Variants in EVA1C observed in about 807,000 individuals in gnomAD.
EVA1C encodes the protein eva-1 homolog C, also known as protein eva-1 homolog C.
EVA1C carries 25 observed loss-of-function variants against 45.4 expected under a neutral mutation model. That is an observed-to-expected ratio of 0.55 (90% CI 0.40 to 0.77). The LOEUF is 0.77. EVA1C is among the 30% of genes least tolerant of loss of function. The pLI is 0.00. For synonymous variants in EVA1C, 190 were observed against 221.2 expected, an observed-to-expected ratio of 0.86 and a Z score of 1.25; for missense variants, 479 against 554.8, an observed-to-expected ratio of 0.86 and a Z score of 1.37.
In EVA1C at chr21:32,512,148, G is replaced by T. The variant is rs954872288; in HGVS notation, c.950-2666G>T. 6.6e-5 allele frequency among the ~76,000 whole-genome samples: 10 copies of T among 152,268 alleles called. No homozygotes were observed. The East Asian group carries it at 1.7e-3, about 26-fold the overall frequency. On this transcript the variant is annotated intron_variant, in intron 7 of 7. Coordinates refer to ENST00000300255, the MANE Select transcript of EVA1C (RefSeq NM_058187.5). ...GAATTCAGGTGGTAGTCACCTTGAGGGGGAGGCAAGGGGATGGGGAAGCAC... is the reference window on the plus strand; with the variant it reads ...GAATTCAGGTGGTAGTCACCTTGAGTGGGAGGCAAGGGGATGGGGAAGCAC...
intron 4 of EVA1C, among the ~76,000 whole-genome samples, chr21:32,494,028 G>T (rs1455720700): frequency 1.3e-5 from 2 of 152,060 alleles, no homozygotes; most frequent in Non-Finnish European, 2.9e-5. Flanking sequence ...TCGAATTCCT[G>T]ACCTCAGGTG....
chr21:32,430,631 C>T (rs1362454330), intron 1 of EVA1C, among the ~76,000 whole-genome samples: 1 of 152,086 alleles, frequency 6.6e-6, no homozygotes, highest in African/African-American at 2.4e-5. Context: ...TCACATCTTA[C>T]ATGGCAGCAG....
intron 4 of EVA1C, among the ~76,000 whole-genome samples, chr21:32,476,730 C>T (rs992096071): frequency 6.6e-6 from 1 of 152,044 alleles, no homozygotes; most frequent in Non-Finnish European, 1.5e-5. Flanking sequence ...CGGTGTGACT[C>T]CATCCTGCCC....
intron 1 of EVA1C, among the ~76,000 whole-genome samples, chr21:32,442,775 T>G (rs1364801308): frequency 6.6e-6 from 1 of 151,690 alleles, no homozygotes; most frequent in Non-Finnish European, 1.5e-5. Flanking sequence ...TTAGGGGACT[T>G]TAGCACACCG....
intron 1 of EVA1C, among the ~76,000 whole-genome samples, chr21:32,444,315 C>A (rs556143573): frequency 2.6e-5 from 4 of 152,322 alleles, no homozygotes; most frequent in African/African-American, 9.6e-5. Flanking sequence ...TGCCCTTCTT[C>A]CCAGCAGTCA....
At chr21:32,506,055 T>C (rs2037712693) in intron 7 of EVA1C, among the ~76,000 whole-genome samples, 1 of 152,010 alleles carries the variant, frequency 6.6e-6, no homozygotes, top group Non-Finnish European at 1.5e-5. Flanking sequence ...TTTTGAGGGA[T>C]GCAACCACCT....
rs148810153 is a variant in EVA1C at position 32,445,206 on chromosome 21, G to A, written c.161-8106G>A. On this transcript the variant is annotated intron_variant, in intron 1 of 7. Coordinates refer to ENST00000300255, the MANE Select transcript of EVA1C (RefSeq NM_058187.5). The stretch of plus-strand genomic sequence containing the variant: ...TTCATGCTGTCACTTGTCCGGCTAA[G>A]GGAATCTGCAATTTTACATAAGATA... Among the ~76,000 whole-genome samples the A allele has an allele frequency of 1.6e-3, 247 of 152,284 alleles. 2 individuals are homozygous for A. The highest frequency in any genetic ancestry group is 5.8e-3 in the African/African-American group (242 of 41,544).
At chr21:32,506,895 T>C (rs766674195) in intron 7 of EVA1C, among the ~76,000 whole-genome samples, 2 of 152,156 alleles carry the variant, frequency 1.3e-5, no homozygotes, top group Non-Finnish European at 2.9e-5. Flanking sequence ...CTGGGGTCTC[T>C]AGGCACCCCC....
At chr21:32,450,269 C>T (rs916589901) in intron 1 of EVA1C, among the ~76,000 whole-genome samples, 1 of 146,972 alleles carries the variant, frequency 6.8e-6, no homozygotes, top group African/African-American at 2.4e-5. Flanking sequence ...CTAAACGCAG[C>T]AAAAGTTTCA....
chr21:32,421,930 A>G (rs986140230), intron 1 of EVA1C, among the ~76,000 whole-genome samples: 29 of 151,858 alleles, frequency 1.9e-4, no homozygotes, highest in African/African-American at 7.0e-4. Context: ...CTGTAATCCC[A>G]GCTAGTTGGA....
chr21:32,458,034 T>G (rs1294819961), intron 3 of EVA1C, among the ~76,000 whole-genome samples: 1 of 152,220 alleles, frequency 6.6e-6, no homozygotes, highest in Non-Finnish European at 1.5e-5. Flanking sequence ...GGTGAGAGAC[T>G]GCAATTGCTG....
In EVA1C at chr21:32,503,086, C is replaced by T. The variant is rs541227804; in HGVS notation, c.860-840C>T. 1.7e-4 allele frequency among the ~76,000 whole-genome samples: 26 copies of T among 152,360 alleles called. 1 individual carries two copies. In the South Asian group the frequency reaches 5.0e-3, roughly 29 times the overall value. On this transcript the variant is annotated intron_variant, in intron 6 of 7. Coordinates refer to ENST00000300255, the MANE Select transcript of EVA1C (RefSeq NM_058187.5). ...CCCCCAAGCCATCAGGTTACCCCAT[C>T]ACAGACTTGCTAAGCTCCATCCAGC...
rs527438480 is a variant in EVA1C, at chr21:32,421,770, A to C, written c.160+8757A>C. Among the ~76,000 whole-genome samples the C allele has an allele frequency of 4.8e-4, 73 of 152,344 alleles. No individual in the cohort carries two copies. The Middle Eastern group carries it at 0.014, about 28-fold the overall frequency. On this transcript the variant is annotated intron_variant, in intron 1 of 7. Coordinates refer to ENST00000300255, the MANE Select transcript of EVA1C (RefSeq NM_058187.5). ...TAAAAGAGAGAATCTAGGTCTGGGC[A>C]TGGTGGCTCATGCCTGTAATCCCAG...
In EVA1C at chr21:32,457,302, C is replaced by T. The variant is rs78680306; in HGVS notation, c.358-295C>T. Among the ~76,000 whole-genome samples, 33 of 152,354 alleles carry T rather than the reference C, an allele frequency of 2.2e-4. No individual in the cohort carries two copies. In the East Asian group the frequency reaches 3.9e-3, roughly 18 times the overall value. ...CTGACCTCGCTTGCACCCCCTGGAG[C>T]CTCGGCACTCAGTGCCTTTGCTGAA... On this transcript the variant is annotated intron_variant, in intron 2 of 7. Transcript: ENST00000300255.
intron 3 of EVA1C, among the ~76,000 whole-genome samples, chr21:32,460,023 G>A (rs2833841): frequency 0.26 from 39,704 of 151,978 alleles, 6,362 homozygotes; most frequent in African/African-American, 0.45. Flanking sequence ...AAAATTGACC[G>A]AACCTCGGAT....
At chr21:32,479,881 A>AATAT (rs905067419) in intron 4 of EVA1C, among the ~76,000 whole-genome samples, 2 of 151,622 alleles carry the variant, frequency 1.3e-5, no homozygotes, top group African/African-American at 4.9e-5. Flanking sequence ...AGCCTTAAGG[A>AATAT]ATATGGTCAG....
chr21:32,419,497 T>C (rs920880326), intron 1 of EVA1C, among the ~76,000 whole-genome samples: 1 of 152,096 alleles, frequency 6.6e-6, no homozygotes, highest in Non-Finnish European at 1.5e-5. Flanking sequence ...GGTGAATCAT[T>C]TGAGGTCAGG....
At chr21:32,422,044 C>CAAA (rs57794940) in intron 1 of EVA1C, among the ~76,000 whole-genome samples, 37,089 of 91,638 alleles carry the variant, frequency 0.4, 6,462 homozygotes, top group African/African-American at 0.5. Context: ...GACCCTGTCT[C>CAAA]AAAAAAAAAA....
rs1438931430 is a variant in EVA1C, at chr21:32,474,979, T to G, written c.634+7131T>G. Among the ~76,000 whole-genome samples the G allele has an allele frequency of 6.6e-6, 1 of 152,234 alleles. No homozygotes were observed. Among genetic ancestry groups the G allele is most frequent in the Non-Finnish European group, 1.5e-5 (1 of 68,042 alleles). Reference sequence around the variant, plus strand: ...TCCCATTTACTACTGCAGCTCAGCCTCGCTGCTTTCAAGGGGAAAAGGGTC... The same window carrying G: ...TCCCATTTACTACTGCAGCTCAGCCGCGCTGCTTTCAAGGGGAAAAGGGTC... On this transcript the variant is annotated intron_variant, in intron 4 of 7. Coordinates refer to ENST00000300255, the MANE Select transcript of EVA1C (RefSeq NM_058187.5). This position sits in a 1 kb window ranked among gnomAD's most constrained non-coding sequence, Gnocchi z 4.4.
Sources: allele counts gnomAD v4.1 joint callset (sites outside exome capture counted in the v4.1 genomes callset), GRCh38; gene constraint gnomAD v4.1.1; non-coding constraint Gnocchi (gnomAD v3.1); transcripts MANE v1.5; gene names NCBI Gene and HGNC (gene_info 2026-07-23, HGNC 2026-07-21).